Variants in EQTN observed in about 807,000 individuals in gnomAD.
EQTN encodes Acrosome formation associated factor.
A neutral mutation model predicts 26.9 loss-of-function variants in EQTN; 29 were observed. The ratio of observed to expected loss-of-function variants is 1.08; its 90% CI spans 0.80 to 1.47. The LOEUF (loss-of-function observed/expected upper bound fraction) is 1.47, where lower values mean the gene tolerates loss of function less well. Among genes scored for constraint, EQTN ranks in the 40% most tolerant of loss-of-function variants. EQTN has a pLI of 0.00. For synonymous variants in EQTN, 129 were observed against 120.0 expected, an observed-to-expected ratio of 1.07 and a Z score of -0.49; for missense variants, 391 against 346.1, an observed-to-expected ratio of 1.13 and a Z score of -1.03.
chr9:27,285,996 T>C (rs1820111463), intron 7 of EQTN, among the ~76,000 whole-genome samples: 1 of 152,220 alleles, frequency 6.6e-6, no homozygotes, highest in Non-Finnish European at 1.5e-5. Context: ...TAAGGTTATT[T>C]CTATCTCTGG....
At chr9:27,292,688 G>C (rs943556552) in intron 3 of EQTN, among the ~76,000 whole-genome samples, 1 of 152,110 alleles carries the variant, frequency 6.6e-6, no homozygotes, top group African/African-American at 2.4e-5. Context: ...TGTGATCATG[G>C]GGTGTCTGAG....
At chr9:27,288,477 CATACTCTTACCA>C (rs1281659308) in intron 6 of EQTN, among the ~76,000 whole-genome samples, 1 of 152,172 alleles carries the variant, frequency 6.6e-6, no homozygotes, top group Non-Finnish European at 1.5e-5. Context: ...TGCACATGAA[CATACTCTTACCA>C]TATGATCCAG....
rs771303430 is a variant in EQTN at position 27,294,313 on chromosome 9, T to C, written c.289+3A>G. The C allele has an allele frequency of 1.9e-6, 3 of 1,605,724 alleles. No individual in the cohort carries two copies. Among genetic ancestry groups the C allele is most frequent in the Admixed American group, 3.3e-5 (2 of 59,820 alleles). On this transcript the variant is annotated splice_donor_region_variant and intron_variant, in intron 3 of 7. Coordinates refer to ENST00000380032, the MANE Select transcript of EQTN (RefSeq NM_020641.3). ...ATGTGCAATGGTGCCTTTCACTTCT[T>C]ACCGTTTTTTAGAGCAAAATTCAGG...
intron 5 of EQTN, among the ~76,000 whole-genome samples, chr9:27,290,150 A>T (rs1207893416): frequency 6.6e-6 from 1 of 152,216 alleles, no homozygotes; most frequent in Non-Finnish European, 1.5e-5. Flanking sequence ...ACTTAGGAAC[A>T]ATAACCAGCA....
At chr9:27,296,359 A>C (rs773897139) in intron 2 of EQTN, among the ~76,000 whole-genome samples, 12 of 152,178 alleles carry the variant, frequency 7.9e-5, no homozygotes, top group Non-Finnish European at 1.6e-4. Flanking sequence ...GATAAGCAGC[A>C]TCTTGGCAGA....
At chr9:27,294,423 C>A in intron 2 of EQTN, 21 bp from the exon 3 acceptor site, 1 of 1,477,980 alleles carries the variant, frequency 6.8e-7, no homozygotes, top group Non-Finnish European at 9.3e-7. Context: ...AAGCGAAAGT[C>A]TTCAGCAACT....
chr9:27,285,939 A>G (rs1820110625), intron 7 of EQTN, among the ~76,000 whole-genome samples: 1 of 152,234 alleles, frequency 6.6e-6, no homozygotes, highest in Admixed American at 6.5e-5. Flanking sequence ...CTCCAGGGCT[A>G]TATAAAAAAG....
rs572327695 is a variant in EQTN at position 27,286,701 on chromosome 9, C to G, written c.482-339G>C. ...GATGTCAAAATGCATATATAGCAGACTTTCTCTGATTTAATCTACCATGTC... is the reference window on the plus strand; with the variant it reads ...GATGTCAAAATGCATATATAGCAGAGTTTCTCTGATTTAATCTACCATGTC... On this transcript the variant is annotated intron_variant, in intron 6 of 7. Coordinates refer to ENST00000380032, the MANE Select transcript of EQTN (RefSeq NM_020641.3). 2.6e-5 allele frequency among the ~76,000 whole-genome samples: 4 copies of G among 152,286 alleles called. No individual in the cohort carries two copies. In the East Asian group the frequency reaches 5.8e-4, roughly 22 times the overall value.
intron 6 of EQTN, among the ~76,000 whole-genome samples, chr9:27,288,833 T>C (rs1462036773): frequency 1.3e-5 from 2 of 152,058 alleles, no homozygotes; most frequent in Non-Finnish European, 2.9e-5. Context: ...AAAAGATCAG[T>C]GGTTTTCAGG....
chr9:27,286,447 A>G, intron 6 of EQTN, 85 bp from the exon 7 acceptor site: 1 of 1,339,258 alleles, frequency 7.5e-7, no homozygotes, highest in Middle Eastern at 2.6e-4. Flanking sequence ...AATACAGAGA[A>G]GCAAGCCCTC....
At position 27,286,205 on chromosome 9, in the gene EQTN, T is replaced by G. The variant is rs1820116854; in HGVS notation, c.635+4A>C. On this transcript the variant is annotated splice_donor_region_variant and intron_variant, in intron 7 of 7. Transcript: ENST00000380032. ...GTAAAGACTGCAGAGGTCTGCAGAC[T>G]TACCTCAGATGCCTCAGTTTGTACA... The G allele has an allele frequency of 6.2e-7, 1 of 1,613,446 alleles. No individual in the cohort carries two copies. The highest frequency in any genetic ancestry group is 1.3e-5 in the African/African-American group (1 of 74,910).
intron 3 of EQTN, among the ~76,000 whole-genome samples, chr9:27,292,689 G>A (rs1040109701): frequency 1.3e-5 from 2 of 152,148 alleles, no homozygotes; most frequent in Non-Finnish European, 2.9e-5. Context: ...GTGATCATGG[G>A]GTGTCTGAGG....
Position 27,284,667 on chromosome 9 carries a change from ATAAT to A in EQTN, c.*52_*55del. ...TAAAGAAAGGTCTTTTGATGACAAA[ATAAT>A]TAAAGTTATTTATTCATCAATAAGA... On this transcript the variant is annotated 3_prime_UTR_variant, in exon 8 of 8. Transcript: ENST00000380032. 1 of 1,552,646 alleles carries A rather than the reference ATAAT, an allele frequency of 6.4e-7. No homozygotes were observed. Among genetic ancestry groups the A allele is most frequent in the Non-Finnish European group, 8.7e-7 (1 of 1,152,170 alleles).
chr9:27,295,859 G>GAAAAAAAAAAA (rs1563833686), intron 2 of EQTN, among the ~76,000 whole-genome samples: 1 of 128,404 alleles, frequency 7.8e-6, no homozygotes, highest in African/African-American at 3.2e-5. Context: ...AAAAAACAAC[G>GAAAAAAAAAAA]ATAAAATTAC....
intron 3 of EQTN, 106 bp from the exon 4 acceptor site, chr9:27,292,593 A>G: frequency 1.7e-6 from 1 of 596,252 alleles, no homozygotes; most frequent in Non-Finnish European, 2.8e-6. Flanking sequence ...AACAAAGAAA[A>G]GGAGAGAGAA....
At chr9:27,292,856 G>C (rs549687800) in intron 3 of EQTN, among the ~76,000 whole-genome samples, 1 of 152,302 alleles carries the variant, frequency 6.6e-6, no homozygotes, top group African/African-American at 2.4e-5. Context: ...AGAGCAGCTT[G>C]GCTGCTGTTC....
At chr9:27,286,551 C>G (rs1820128899) in intron 6 of EQTN, among the ~76,000 whole-genome samples, 189 bp from the exon 7 acceptor site, 1 of 152,184 alleles carries the variant, frequency 6.6e-6, no homozygotes, top group South Asian at 2.1e-4. Context: ...TAACTTGCCT[C>G]TTTAACCTTC....
In EQTN at chr9:27,292,308, G is replaced by A. The variant is rs1820252632; in HGVS notation, c.376+93C>T. ...AGTATAAATTCTTTAAGCATGCTAT[G>A]GCTTTATGTAATGCTCAGAGTAGTG... is the stretch of plus-strand genomic sequence containing the variant. On this transcript the variant is annotated intron_variant, in intron 4 of 7. Coordinates refer to ENST00000380032, the MANE Select transcript of EQTN (RefSeq NM_020641.3). The A allele has an allele frequency of 7.2e-6, 5 of 696,666 alleles. 1 individual carries two copies. In the South Asian group the frequency reaches 9.5e-5, roughly 13 times the overall value. The allele number at this position is 696,666 out of a possible 1,614,324, so 43.2% of individuals were successfully genotyped here. A position where few individuals can be genotyped will look rare whatever the true frequency, so the allele number is the denominator to read the frequency against.
At chr9:27,296,530 G>T in intron 2 of EQTN, 83 bp downstream of exon 2, 3 of 980,646 alleles carry the variant, frequency 3.1e-6, no homozygotes, top group East Asian at 2.7e-5. Flanking sequence ...AGGGGGAAAT[G>T]ATGGAAATTT....
Sources: gnomAD v4.1 joint callset for allele counts (sites outside exome capture counted in the v4.1 genomes callset) on GRCh38, gnomAD v4.1.1 for gene constraint, MANE v1.5 for transcripts, NCBI Gene and HGNC (gene_info 2026-07-23, HGNC 2026-07-21) for gene names.